Variants in NCOA7 observed in about 807,000 individuals in gnomAD.
NCOA7 encodes 140 kDa estrogen receptor-associated protein.
A neutral mutation model predicts 104.3 loss-of-function variants in NCOA7; 45 were observed. The observed-to-expected ratio is 0.43, with a 90% CI of 0.34 to 0.55. The LOEUF is 0.55. Among genes scored for constraint, NCOA7 ranks in the 20% least tolerant of loss-of-function variants. The pLI, the probability that NCOA7 is intolerant of heterozygous loss-of-function variation, is 0.02. For missense variants in NCOA7, 1,041 were observed against 1,119.7 expected (o/e 0.93, Z 1.00); for synonymous variants, 398 against 402.3 (o/e 0.99, Z 0.13).
At chr6:125,887,705 CA>C (rs1258605792) in intron 8 of NCOA7, among the ~76,000 whole-genome samples, 1 of 152,004 alleles carries the variant, frequency 6.6e-6, no homozygotes, top group Non-Finnish European at 1.5e-5. Flanking sequence ...ATGTCAAAGC[CA>C]AAATAGCAGA....
At chr6:125,850,963 G>A (rs1781072803) in intron 2 of NCOA7, among the ~76,000 whole-genome samples, 1 of 152,122 alleles carries the variant, frequency 6.6e-6, no homozygotes, top group African/African-American at 2.4e-5. Flanking sequence ...TGTTTTATTA[G>A]GGGCATTATC....
At chr6:125,819,221 C>G (rs1777915237) in intron 2 of NCOA7, among the ~76,000 whole-genome samples, 1 of 151,986 alleles carries the variant, frequency 6.6e-6, no homozygotes, top group African/African-American at 2.4e-5. Context: ...TAGTCCTTTG[C>G]CAAACCTGTT....
rs770822541 is a variant in NCOA7 at position 125,929,916 on chromosome 6, G to A, written c.*1145G>A. ...GCATTTTTTAAATCAAATGAAAAAC[G>A]TCAAATTGGACCAATTGTCTTGGTT... On this transcript the variant is annotated 3_prime_UTR_variant, in exon 16 of 16. Transcript: ENST00000392477. 1 of 152,010 alleles carries A rather than the reference G, an allele frequency of 6.6e-6. No homozygotes were observed. Among genetic ancestry groups the A allele is most frequent in the Admixed American group, 6.6e-5 (1 of 15,264 alleles). The allele number at this position is 152,010 out of a possible 1,614,324, so 9.4% of individuals were successfully genotyped here.
At position 125,889,715 on chromosome 6, in the gene NCOA7, G is replaced by A. The variant is rs1291394125; in HGVS notation, c.1661G>A (p.Gly554Glu). Residue 554 changes from glycine to glutamate, a missense_variant, in exon 9 of 16, where the codon GGG becomes GAG. By Grantham distance (98) the Gly-to-Glu change is moderately conservative. Around this residue, in one of 2 missense-constraint regions of NCOA7, gnomAD observed 914 missense variants for 942.7 expected, o/e 0.97. Transcript: ENST00000392477. The stretch of plus-strand genomic sequence containing the variant: ...AGTGATGGAAAAAGTATTGAACCAG[G>A]GGGAATAGACATTACCCTTAGTAGT... ...ELSDGKSIEP[G>E]GIDITLSSSL... is the part of the protein sequence containing the mutation. 8 of 1,614,004 alleles carry A rather than the reference G, an allele frequency of 5.0e-6. No homozygotes were observed. Among genetic ancestry groups the A allele is most frequent in the Non-Finnish European group, 6.8e-6 (8 of 1,179,978 alleles).
rs1294933629 is a variant in NCOA7 at position 125,889,145 on chromosome 6, G to A, written c.1091G>A (p.Gly364Asp). 1 of 1,614,084 alleles carries A rather than the reference G, an allele frequency of 6.2e-7. No homozygotes were observed. Residue 364 changes from glycine to aspartate, a missense_variant, in exon 9 of 16, where the codon GGC (glycine) becomes GAC (aspartate). Gly to Asp is a moderately conservative substitution (Grantham distance 94). Around this residue, in one of 2 missense-constraint regions of NCOA7, gnomAD observed 914 missense variants for 942.7 expected, o/e 0.97. Transcript: ENST00000392477. ...GGACATACACCTACAAAGCCCTCAG[G>A]CAGCTCTGTGTCAGAGAAATTAAAG... ...STGHTPTKPS[G>D]SSVSEKLKKL... is the part of the protein sequence containing the mutation.
Position 125,881,388 on chromosome 6 carries a change from TG to T in NCOA7, c.573+187del, listed in dbSNP as rs372986027. On this transcript the variant is annotated intron_variant, in intron 6 of 15. Transcript: ENST00000392477. ...ACATTTAAGGTTTCAAAGGCAAAAA[TG>T]GCCAGACACAGTGGCTCAGCCTGTA... Among the ~76,000 whole-genome samples the T allele has an allele frequency of 5.1e-3, 770 of 152,124 alleles. 2 individuals are homozygous for T. Among genetic ancestry groups the T allele is most frequent in the Non-Finnish European group, 8.1e-3 (551 of 67,960 alleles).
At chr6:125,795,792 A>G (rs1775263813) in intron 1 of NCOA7, among the ~76,000 whole-genome samples, 1 of 152,066 alleles carries the variant, frequency 6.6e-6, no homozygotes, top group South Asian at 2.1e-4. Context: ...CCTCCTTGTC[A>G]TGCATTTTAC....
intron 3 of NCOA7, among the ~76,000 whole-genome samples, chr6:125,861,435 A>G (rs1268069530): frequency 1.3e-5 from 2 of 152,146 alleles, no homozygotes; most frequent in African/African-American, 2.4e-5. Flanking sequence ...GTCTAATAAC[A>G]TTGCTCTTCT....
chr6:125,868,509 A>G (rs1395621625), intron 3 of NCOA7, among the ~76,000 whole-genome samples: 3 of 152,250 alleles, frequency 2.0e-5, no homozygotes, highest in Non-Finnish European at 4.4e-5. Flanking sequence ...TCACGTGGCT[A>G]TGAAAATGTG....
intron 1 of NCOA7, among the ~76,000 whole-genome samples, chr6:125,808,636 C>G (rs1409748544): frequency 6.6e-6 from 1 of 152,188 alleles, no homozygotes. Flanking sequence ...TCCTGGGAAT[C>G]TATGTGATGA....
At chr6:125,814,155 A>G (rs544513073) in intron 1 of NCOA7, among the ~76,000 whole-genome samples, 244 of 152,200 alleles carry the variant, frequency 1.6e-3, no homozygotes, top group African/African-American at 5.6e-3. Flanking sequence ...ATTTATTTAT[A>G]TTTACTAATT....
intron 2 of NCOA7, among the ~76,000 whole-genome samples, chr6:125,840,868 G>GTTTTTTTTTTTTGTTTGTTT (rs1780077634): frequency 2.5e-5 from 1 of 40,376 alleles, no homozygotes; most frequent in Admixed American, 4.4e-4. Context: ...TGTTTGGTTG[G>GTTTTTTTTTTTTGTTTGTTT]TTTTTTTTTT....
At chr6:125,805,126 C>T (rs750678614) in intron 1 of NCOA7, among the ~76,000 whole-genome samples, 1 of 119,964 alleles carries the variant, frequency 8.3e-6, no homozygotes, top group Non-Finnish European at 1.6e-5. Context: ...GACAGAGTCT[C>T]GCTCCGTCGC....
intron 3 of NCOA7, among the ~76,000 whole-genome samples, chr6:125,856,297 C>T (rs915215106): frequency 6.6e-6 from 1 of 151,984 alleles, no homozygotes; most frequent in African/African-American, 2.4e-5. Context: ...ACTTGGTCCT[C>T]ATTAATACCA....
chr6:125,855,989 G>A (rs949345635), intron 3 of NCOA7, among the ~76,000 whole-genome samples: 37 of 152,262 alleles, frequency 2.4e-4, no homozygotes, highest in African/African-American at 5.5e-4. Flanking sequence ...AGAATAACCC[G>A]TGCATCTGAA....
At chr6:125,872,307 T>G (rs1435843558) in intron 3 of NCOA7, among the ~76,000 whole-genome samples, 1 of 152,232 alleles carries the variant, frequency 6.6e-6, no homozygotes, top group Non-Finnish European at 1.5e-5. Flanking sequence ...AGTTGGTGGC[T>G]TTTAGTAGCG....
At chr6:125,820,309 G>A (rs941097448) in intron 2 of NCOA7, among the ~76,000 whole-genome samples, 10 of 152,210 alleles carry the variant, frequency 6.6e-5, no homozygotes, top group African/African-American at 2.4e-4. Flanking sequence ...TCACTCCAGT[G>A]TATAACCTCT....
At chr6:125,871,859 T>C (rs2128636386) in intron 3 of NCOA7, among the ~76,000 whole-genome samples, 1 of 152,112 alleles carries the variant, frequency 6.6e-6, no homozygotes, top group Non-Finnish European at 1.5e-5. Context: ...TAATCTGGTG[T>C]GGTGGCATGA....
rs1781441914 is a variant in NCOA7 at position 125,855,092 on chromosome 6, G to C, written c.123G>C (p.Gly41=). ...ASAVATRTHT[G]KEDNNTVVLE... The stretch of plus-strand genomic sequence containing the variant: ...CTGTAGCTACAAGGACTCATACTGG[G>C]AAGGAAGATAATAATACAGTAGTTT... Residue 41 remains glycine (G), a synonymous_variant, in exon 3 of 16, where the codon GGG becomes GGC. Transcript: ENST00000392477. 1 of 1,613,388 alleles carries C rather than the reference G, an allele frequency of 6.2e-7. No homozygotes were observed.
Sources: gnomAD v4.1 joint callset for allele counts (sites outside exome capture counted in the v4.1 genomes callset) on GRCh38, gnomAD v4.1.1 for gene constraint, gnomAD v4.1.1 regional missense constraint, MANE v1.5 for transcripts, NCBI Gene and HGNC (gene_info 2026-07-23, HGNC 2026-07-21) for gene names.